Variants in BABAM2 observed in about 807,000 individuals in gnomAD.
The protein encoded by BABAM2 is BRISC and BRCA1-A complex member 2.
BABAM2 carries 31 observed loss-of-function variants against 54.7 expected under a neutral mutation model. The ratio of observed to expected loss-of-function variants is 0.57; its 90% CI spans 0.43 to 0.77. The LOEUF (loss-of-function observed/expected upper bound fraction) is 0.77, where lower values mean the gene tolerates loss of function less well. BABAM2 is among the 30% of genes least tolerant of loss of function. The pLI, the probability that BABAM2 is intolerant of heterozygous loss-of-function variation, is 0.00. For missense variants in BABAM2, 364 were observed against 455.8 expected (o/e 0.80, Z 1.83); for synonymous variants, 167 against 162.9 (o/e 1.03, Z -0.19).
At chr2:28,210,700 T>C (rs553296367) in intron 7 of BABAM2, among the ~76,000 whole-genome samples, 2 of 152,258 alleles carry the variant, frequency 1.3e-5, no homozygotes, top group South Asian at 4.1e-4. Context: ...CTCATCCAAA[T>C]AGTGCCAATG....
At chr2:28,113,530 C>T (rs989349188) in intron 6 of BABAM2, among the ~76,000 whole-genome samples, 3 of 152,118 alleles carry the variant, frequency 2.0e-5, no homozygotes, top group Admixed American at 1.3e-4. Context: ...GGTACCAGTA[C>T]CATGCTGTTT....
intron 3 of BABAM2, among the ~76,000 whole-genome samples, chr2:27,977,035 T>G (rs1671657485): frequency 6.6e-6 from 1 of 152,168 alleles, no homozygotes; most frequent in African/African-American, 2.4e-5. Flanking sequence ...ATGTAGTAAT[T>G]CCTTAGAGTC....
intron 10 of BABAM2, among the ~76,000 whole-genome samples, chr2:28,275,112 C>T (rs1342970337): frequency 6.6e-6 from 1 of 152,154 alleles, no homozygotes; most frequent in African/African-American, 2.4e-5. Flanking sequence ...CAGTCCATTT[C>T]CTGGGGAATT....
At chr2:28,079,653 A>G (rs1177013534) in intron 6 of BABAM2, among the ~76,000 whole-genome samples, 1 of 152,100 alleles carries the variant, frequency 6.6e-6, no homozygotes, top group Non-Finnish European at 1.5e-5. Context: ...TTACCTTCAT[A>G]CTTATTTTCA....
intron 6 of BABAM2, among the ~76,000 whole-genome samples, chr2:28,060,609 G>A (rs1678779624): frequency 6.6e-6 from 1 of 152,108 alleles, no homozygotes. Context: ...TTACAAAAAA[G>A]CTTCTAGAAC....
chr2:28,127,708 G>A (rs1289373959), intron 6 of BABAM2, among the ~76,000 whole-genome samples: 1 of 152,088 alleles, frequency 6.6e-6, no homozygotes, highest in Non-Finnish European at 1.5e-5. Context: ...ATGAGTGATG[G>A]CCAGCTTCCC....
At chr2:27,981,639 C>G (rs1318176351) in intron 3 of BABAM2, among the ~76,000 whole-genome samples, 1 of 152,074 alleles carries the variant, frequency 6.6e-6, no homozygotes, top group South Asian at 2.1e-4. Flanking sequence ...GTGTCTGGCT[C>G]ATTTCACTTA....
At chr2:27,947,019 AT>A (rs764056787) in intron 3 of BABAM2, among the ~76,000 whole-genome samples, 43 of 150,834 alleles carry the variant, frequency 2.9e-4, no homozygotes, top group African/African-American at 5.1e-4. Flanking sequence ...TAACAATTTT[AT>A]TTTTTTTTAA....
At chr2:28,112,195 C>T (rs1378972160) in intron 6 of BABAM2, among the ~76,000 whole-genome samples, 9 of 82,488 alleles carry the variant, frequency 1.1e-4, no homozygotes, top group African/African-American at 1.5e-4. Flanking sequence ...CCCTCCCTCC[C>T]TCCCTTCCTT....
chr2:28,134,908 A>G (rs1350272245), intron 7 of BABAM2, among the ~76,000 whole-genome samples: 2 of 152,234 alleles, frequency 1.3e-5, no homozygotes, highest in Non-Finnish European at 2.9e-5. Context: ...GCATATTAAT[A>G]CATGGCATCA....
At chr2:27,927,838 G>GTTTT (rs376186465) in intron 2 of BABAM2, among the ~76,000 whole-genome samples, 35 of 135,726 alleles carry the variant, frequency 2.6e-4, no homozygotes, top group Non-Finnish European at 3.7e-4. Context: ...TAAAGTTTCT[G>GTTTT]TTTTTTTTTT....
chr2:28,290,425 A>G (rs1687192504), intron 10 of BABAM2, among the ~76,000 whole-genome samples: 1 of 152,186 alleles, frequency 6.6e-6, no homozygotes, highest in African/African-American at 2.4e-5. Flanking sequence ...TCATCAGGGA[A>G]TGGGAATTCC....
chr2:28,292,954 A>G (rs1159339294), intron 10 of BABAM2, among the ~76,000 whole-genome samples: 2 of 152,176 alleles, frequency 1.3e-5, no homozygotes, highest in Non-Finnish European at 2.9e-5. Flanking sequence ...AGTGAATATC[A>G]CTTACTATAT....
At chr2:28,135,205 C>T (rs889049010) in intron 7 of BABAM2, among the ~76,000 whole-genome samples, 1 of 152,128 alleles carries the variant, frequency 6.6e-6, no homozygotes. Flanking sequence ...TTATGGAAAG[C>T]CTGGCTTTTC....
intron 6 of BABAM2, among the ~76,000 whole-genome samples, chr2:28,098,204 T>TCTGTCTGTCTTTAATTCTG (rs1666784676): frequency 6.6e-6 from 1 of 152,230 alleles, no homozygotes; most frequent in East Asian, 1.9e-4. Flanking sequence ...TCTTCATTTA[T>TCTGTCTGTCTTTAATTCTG]CTGTCTGTCT....
intron 5 of BABAM2, among the ~76,000 whole-genome samples, chr2:28,032,372 A>G (rs1339986919): frequency 3.3e-5 from 5 of 152,186 alleles, no homozygotes; most frequent in Non-Finnish European, 2.9e-5. Context: ...CTGATTTACT[A>G]TCAGTCTTCC....
intron 6 of BABAM2, among the ~76,000 whole-genome samples, chr2:28,115,919 A>G (rs1018241477): frequency 6.4e-4 from 98 of 152,002 alleles, no homozygotes; most frequent in Admixed American, 6.3e-3. Context: ...GTTCGAGACC[A>G]GCCTGACCAA....
At chr2:28,331,379 A>G (rs1264013772) in intron 11 of BABAM2, among the ~76,000 whole-genome samples, 1 of 152,256 alleles carries the variant, frequency 6.6e-6, no homozygotes, top group African/African-American at 2.4e-5. Context: ...CAAAATGAAC[A>G]GACAACCTAC....
intron 10 of BABAM2, among the ~76,000 whole-genome samples, chr2:28,286,407 G>T (rs1056683381): frequency 6.6e-6 from 1 of 152,092 alleles, no homozygotes; most frequent in Non-Finnish European, 1.5e-5. Context: ...ATAGAAAGAC[G>T]TTCACAGTCC....
Sources: allele counts gnomAD v4.1 joint callset (sites outside exome capture counted in the v4.1 genomes callset), GRCh38; gene constraint gnomAD v4.1.1; transcripts MANE v1.5; gene names NCBI Gene and HGNC (gene_info 2026-07-23, HGNC 2026-07-21).